Variants in INPP5A observed in about 807,000 individuals in gnomAD.
INPP5A encodes the protein 43 kDa inositol polyphosphate 5-phophatase.
In INPP5A, 14 loss-of-function variants were observed where a neutral mutation model predicts 65.2. The observed-to-expected ratio is 0.21, with a 90% confidence interval of 0.14 to 0.34. INPP5A has a LOEUF of 0.34. Ranked by LOEUF, INPP5A falls within the 10% of genes least tolerant of loss-of-function variation. The pLI is 1.00. For synonymous variants in INPP5A, 207 were observed against 208.3 expected, an observed-to-expected ratio of 0.99 and a Z score of 0.05; for missense variants, 431 against 545.6, an observed-to-expected ratio of 0.79 and a Z score of 2.09.
chr10:132,760,234 G>T (rs993824338), intron 11 of INPP5A, among the ~76,000 whole-genome samples: 2 of 152,264 alleles, frequency 1.3e-5, no homozygotes, highest in African/African-American at 4.8e-5. Flanking sequence ...GTAAGGCACA[G>T]CCCGGGCCTG....
chr10:132,664,976 C>T (rs1564955375), intron 4 of INPP5A, among the ~76,000 whole-genome samples: 1 of 152,160 alleles, frequency 6.6e-6, no homozygotes, highest in Non-Finnish European at 1.5e-5. Context: ...GCAACTGAGG[C>T]GTTGAGCAGT....
At chr10:132,560,754 T>C (rs533042280) in intron 1 of INPP5A, among the ~76,000 whole-genome samples, 24 of 152,252 alleles carry the variant, frequency 1.6e-4, no homozygotes, top group African/African-American at 5.8e-4. Context: ...TACAGGTGTG[T>C]GTCAGCATGC....
chr10:132,748,208 C>A (rs925673408), intron 9 of INPP5A, among the ~76,000 whole-genome samples: 28 of 152,282 alleles, frequency 1.8e-4, no homozygotes, highest in African/African-American at 6.5e-4. Flanking sequence ...AGTCTCCTTG[C>A]TGCCTCTGTC....
At position 132,688,006 on chromosome 10, in the gene INPP5A, T is replaced by C. The variant is rs566891985; in HGVS notation, c.307-2386T>C. Among the ~76,000 whole-genome samples, 257 of 152,304 alleles carry C rather than the reference T, an allele frequency of 1.7e-3. 3 individuals are homozygous for C. Among genetic ancestry groups the C allele is most frequent in the African/African-American group, 5.6e-3 (232 of 41,568 alleles). ...ACACTGTTTTCTGGTGAGGTGTCCA[T>C]GTGGCCAGCGTCCCCGGGAGCAGGA... On this transcript the variant is annotated intron_variant, in intron 4 of 15. Coordinates refer to ENST00000368594, the MANE Select transcript of INPP5A (RefSeq NM_005539.5).
At chr10:132,562,519 C>A (rs901495422) in intron 1 of INPP5A, among the ~76,000 whole-genome samples, 1 of 152,248 alleles carries the variant, frequency 6.6e-6, no homozygotes, top group Non-Finnish European at 1.5e-5. Flanking sequence ...CCTGCACACC[C>A]GTCACACCTC....
chr10:132,713,202 G>A (rs1845679674), intron 8 of INPP5A, among the ~76,000 whole-genome samples: 1 of 151,934 alleles, frequency 6.6e-6, no homozygotes, highest in Non-Finnish European at 1.5e-5. Flanking sequence ...ACATGTATGT[G>A]TGTAGGTATG....
chr10:132,699,394 C>A (rs1845400829), intron 6 of INPP5A, among the ~76,000 whole-genome samples: 1 of 151,950 alleles, frequency 6.6e-6, no homozygotes, highest in Non-Finnish European at 1.5e-5. Context: ...GGGCCAGGCG[C>A]TGCCACCTGA....
At chr10:132,539,054 G>A (rs971678766) in intron 1 of INPP5A, among the ~76,000 whole-genome samples, 7 of 151,908 alleles carry the variant, frequency 4.6e-5, no homozygotes, top group African/African-American at 1.7e-4. Flanking sequence ...TCCCATCCTT[G>A]GCCCCTTCCT....
chr10:132,586,936 C>T (rs565517515), intron 1 of INPP5A, among the ~76,000 whole-genome samples: 68 of 152,250 alleles, frequency 4.5e-4, no homozygotes, highest in South Asian at 1.7e-3. Context: ...AATAGCGAGT[C>T]GGAGTCGGAG....
chr10:132,668,668 C>T (rs888952749), intron 4 of INPP5A, among the ~76,000 whole-genome samples: 1 of 152,146 alleles, frequency 6.6e-6, no homozygotes, highest in African/African-American at 2.4e-5. Flanking sequence ...TGAATTTGCA[C>T]AGGGAGCATT....
chr10:132,583,314 G>A (rs960982420), intron 1 of INPP5A, among the ~76,000 whole-genome samples: 4 of 152,180 alleles, frequency 2.6e-5, no homozygotes, highest in East Asian at 1.9e-4. Flanking sequence ...CTGTGGAGCC[G>A]TGGGTGACAG....
chr10:132,621,672 AG>A (rs1232960890), intron 2 of INPP5A, among the ~76,000 whole-genome samples: 1 of 152,140 alleles, frequency 6.6e-6, no homozygotes, highest in African/African-American at 2.4e-5. Flanking sequence ...GGGCAGAGGA[AG>A]CCATCAGTCA....
At chr10:132,724,803 G>A (rs937688629) in intron 8 of INPP5A, among the ~76,000 whole-genome samples, 4 of 149,276 alleles carry the variant, frequency 2.7e-5, no homozygotes, top group Non-Finnish European at 3.0e-5. Flanking sequence ...CAGAACTCAC[G>A]GGGGGCCCCA....
intron 2 of INPP5A, among the ~76,000 whole-genome samples, chr10:132,645,304 T>C (rs1242879326): frequency 6.6e-6 from 1 of 152,198 alleles, no homozygotes; most frequent in Non-Finnish European, 1.5e-5. Flanking sequence ...CGTGAGTTGC[T>C]GCTGTGTGTC....
intron 9 of INPP5A, among the ~76,000 whole-genome samples, chr10:132,738,110 G>A (rs553073803): frequency 3.3e-5 from 5 of 152,322 alleles, no homozygotes; most frequent in South Asian, 2.1e-4. Flanking sequence ...TTCATAATCC[G>A]TAGTGTGTTC....
intron 11 of INPP5A, among the ~76,000 whole-genome samples, chr10:132,751,140 C>T (rs752587423): frequency 1.3e-5 from 2 of 152,228 alleles, no homozygotes; most frequent in South Asian, 2.1e-4. Flanking sequence ...CCAGACCCCA[C>T]GCTCCTGTCT....
At chr10:132,758,124 C>G (rs1383916903) in intron 11 of INPP5A, among the ~76,000 whole-genome samples, 1 of 126,136 alleles carries the variant, frequency 7.9e-6, no homozygotes, top group Non-Finnish European at 1.7e-5. Context: ...CCCGGCCGAC[C>G]CCACAGGCCA....
intron 1 of INPP5A, among the ~76,000 whole-genome samples, chr10:132,557,873 C>T (rs979745395): frequency 1.6e-4 from 25 of 152,236 alleles, no homozygotes; most frequent in African/African-American, 5.5e-4. Flanking sequence ...CGGCTTATGG[C>T]GGGAGTGACG....
In INPP5A at chr10:132,538,213, C is replaced by T; in HGVS notation, c.75+42C>T. The T allele has an allele frequency of 8.4e-7, 1 of 1,190,768 alleles. No homozygotes were observed. The highest frequency in any genetic ancestry group is 1.1e-6 in the Non-Finnish European group (1 of 943,394). The allele number at this position is 1,190,768 out of a possible 1,614,324, so 73.8% of individuals were successfully genotyped here. On this transcript the variant is annotated intron_variant, in intron 1 of 15. Transcript: ENST00000368594. The surrounding 1 kb of genome is among the most constrained non-coding windows in gnomAD (Gnocchi z 4.1). ...GGCGGCAGGCCCCAAGCCCGGAACC[C>T]CCGACCCTGACCCCGGGGTCCCGAA...
Sources: allele counts gnomAD v4.1 joint callset (sites outside exome capture counted in the v4.1 genomes callset), GRCh38; gene constraint gnomAD v4.1.1; non-coding constraint Gnocchi (gnomAD v3.1); transcripts MANE v1.5; gene names NCBI Gene and HGNC (gene_info 2026-07-23, HGNC 2026-07-21).